The following BLVRA variants were observed in gnomAD, a reference collection of about 807,000 sequenced individuals.
BLVRA encodes biliverdin reductase A.
In BLVRA, 22 loss-of-function variants were observed where a neutral mutation model predicts 32.8. The ratio of observed to expected loss-of-function variants is 0.67; its 90% CI spans 0.48 to 0.96. The LOEUF (loss-of-function observed/expected upper bound fraction) is 0.96. Ranked by LOEUF, BLVRA falls within the 40% of genes least tolerant of loss-of-function variation. BLVRA has a pLI of 0.00. For missense variants in BLVRA, 323 were observed against 358.1 expected (o/e 0.90, Z 0.79); for synonymous variants, 119 against 141.3 (o/e 0.84, Z 1.12).
intron 2 of BLVRA, among the ~76,000 whole-genome samples, chr7:43,771,786 G>A (rs2132552025): frequency 6.6e-6 from 1 of 152,322 alleles, no homozygotes; most frequent in African/African-American, 2.4e-5. Context: ...GCTGGCAGAT[G>A]TCTCAACACC....
At chr7:43,773,350 C>T (rs949128632) in intron 2 of BLVRA, among the ~76,000 whole-genome samples, 6 of 151,576 alleles carry the variant, frequency 4.0e-5, no homozygotes, top group African/African-American at 1.5e-4. Context: ...CATGTGTTCT[C>T]ATTGTTCAAT....
intron 2 of BLVRA, among the ~76,000 whole-genome samples, chr7:43,783,048 G>T (rs545408031): frequency 6.6e-6 from 1 of 152,194 alleles, no homozygotes; most frequent in South Asian, 2.1e-4. Flanking sequence ...GAAGGGAAGC[G>T]GGAGTGAGCC....
chr7:43,766,349 A>G (rs191990603), intron 1 of BLVRA, among the ~76,000 whole-genome samples: 7 of 152,142 alleles, frequency 4.6e-5, no homozygotes, highest in Admixed American at 1.3e-4. Flanking sequence ...TCTATTTAAT[A>G]TAAGTCTTTT....
chr7:43,775,475 T>C (rs2095759647), intron 2 of BLVRA, among the ~76,000 whole-genome samples: 1 of 152,242 alleles, frequency 6.6e-6, no homozygotes, highest in Admixed American at 6.5e-5. Context: ...CAGCCTTGCA[T>C]TCCAGGGATG....
chr7:43,767,729 T>G (rs1441495633), intron 1 of BLVRA: 1 of 366,002 alleles, frequency 2.7e-6, no homozygotes, highest in Non-Finnish European at 5.2e-6. Flanking sequence ...GTTTGAGTAG[T>G]GTAAATTTTG....
intron 7 of BLVRA, among the ~76,000 whole-genome samples, chr7:43,805,560 C>T (rs970091813): frequency 1.3e-5 from 2 of 151,948 alleles, no homozygotes; most frequent in Admixed American, 6.6e-5. Context: ...TGAGATTACA[C>T]GCATGAGCCA....
chr7:43,788,093 A>T (rs1194254523), intron 3 of BLVRA, 68 bp downstream of exon 3: 5 of 1,612,642 alleles, frequency 3.1e-6, no homozygotes, highest in Non-Finnish European at 4.2e-6. Flanking sequence ...GCTGCAGGAC[A>T]TGGAGATTTT....
intron 2 of BLVRA, among the ~76,000 whole-genome samples, chr7:43,772,573 T>C (rs1259965415): frequency 1.3e-5 from 2 of 152,204 alleles, no homozygotes; most frequent in Non-Finnish European, 2.9e-5. Context: ...CATGCTGCTA[T>C]AAAGAACTGC....
Position 43,769,944 on chromosome 7 carries a change from G to A in BLVRA, c.-21-1194G>A, listed in dbSNP as rs375244801. On this transcript the variant is annotated intron_variant, in intron 1 of 7. Coordinates refer to ENST00000265523, the MANE Select transcript of BLVRA (RefSeq NM_000712.4). Reference sequence around the variant, plus strand: ...GCTATTTTCAACACAAAGCCTACACGATCACCCATGCCCCCTTCCCCGGGT... The same window carrying A: ...GCTATTTTCAACACAAAGCCTACACAATCACCCATGCCCCCTTCCCCGGGT... 3.0e-3 allele frequency among the ~76,000 whole-genome samples: 461 copies of A among 152,318 alleles called. 3 individuals carry two copies. The highest frequency in any genetic ancestry group is 0.011 in the African/African-American group (442 of 41,562).
chr7:43,774,557 A>G (rs952369275), intron 2 of BLVRA, among the ~76,000 whole-genome samples: 10 of 152,172 alleles, frequency 6.6e-5, no homozygotes, highest in African/African-American at 2.4e-4. Flanking sequence ...TAGTATAGTT[A>G]GAAGTCAGGT....
At position 43,787,624 on chromosome 7, in the gene BLVRA, T is replaced by C. The variant is rs2095779418; in HGVS notation, c.13-280T>C. Among the ~76,000 whole-genome samples, 1 of 152,116 alleles carries C rather than the reference T, an allele frequency of 6.6e-6. No individual in the cohort carries two copies. The highest frequency in any genetic ancestry group is 2.4e-5 in the African/African-American group (1 of 41,424). Reference sequence around the variant, plus strand: ...ATTATTGGAGATGGGGCAGTAGAAGTGGAGAGCCAAATTGGGGGAACACTT... The same window carrying C: ...ATTATTGGAGATGGGGCAGTAGAAGCGGAGAGCCAAATTGGGGGAACACTT... On this transcript the variant is annotated intron_variant, in intron 2 of 7. Transcript: ENST00000265523. This position sits in a 1 kb window ranked among gnomAD's most constrained non-coding sequence, Gnocchi z 4.5.
At chr7:43,769,116 T>C (rs1183188137) in intron 1 of BLVRA, among the ~76,000 whole-genome samples, 3 of 151,588 alleles carry the variant, frequency 2.0e-5, no homozygotes, top group African/African-American at 7.3e-5. Flanking sequence ...CAGCCTCAAA[T>C]TCCTGGGCTC....
upstream of BLVRA, among the ~76,000 whole-genome samples, chr7:43,758,232 A>G (rs1213693420): frequency 1.3e-5 from 2 of 151,970 alleles, no homozygotes; most frequent in Non-Finnish European, 2.9e-5. Flanking sequence ...CCTCGGCGCC[A>G]GTTCAGTCGG....
Position 43,806,976 on chromosome 7 carries a change from G to T in BLVRA, c.633-1G>T. The T allele has an allele frequency of 6.2e-7, 1 of 1,613,806 alleles. No individual in the cohort carries two copies. Among genetic ancestry groups the T allele is most frequent in the Non-Finnish European group, 8.5e-7 (1 of 1,179,996 alleles). ...GATTCTTTTGTCTTTTGTCTTTGCAGTCCACTGTCATGGATTGAAGAAAAA... is the reference window on the plus strand; with the variant it reads ...GATTCTTTTGTCTTTTGTCTTTGCATTCCACTGTCATGGATTGAAGAAAAA... On this transcript the variant is annotated splice_acceptor_variant, in intron 7 of 7. Transcript: ENST00000265523. LOFTEE classifies it high-confidence loss of function.
intron 3 of BLVRA, 48 bp from the exon 4 acceptor site, chr7:43,791,201 T>C (rs751855662): frequency 6.2e-7 from 1 of 1,612,248 alleles, no homozygotes; most frequent in Non-Finnish European, 8.5e-7. Context: ...ATGGTGCTCC[T>C]TTCTTCTGTC....
chr7:43,762,606 CTTTT>C (rs1162480081), intron 1 of BLVRA, among the ~76,000 whole-genome samples: 4 of 100,870 alleles, frequency 4.0e-5, no homozygotes, highest in Non-Finnish European at 7.4e-5. Flanking sequence ...CCAGTAGTTC[CTTTT>C]TTTTTTTTTT....
intron 5 of BLVRA, among the ~76,000 whole-genome samples, chr7:43,798,197 CAAAAAAAAAAAA>C (rs56855757): frequency 1.2e-3 from 56 of 45,198 alleles, no homozygotes; most frequent in South Asian, 1.5e-3. Flanking sequence ...CCCCATCTCA[CAAAAAAAAAAAA>C]AAAAAAAAAA....
intron 7 of BLVRA, among the ~76,000 whole-genome samples, chr7:43,804,298 C>T (rs1433007524): frequency 1.3e-5 from 2 of 152,024 alleles, no homozygotes; most frequent in African/African-American, 2.4e-5. Flanking sequence ...AAAAATTAGC[C>T]GGTGTGGCGG....
Position 43,788,037 on chromosome 7 carries a change from T to A in BLVRA, c.134+12T>A. 1 of 1,614,224 alleles carries A rather than the reference T, an allele frequency of 6.2e-7. No homozygotes were observed. ...GGCTTCGTGTCGAGGTGGCTCACAA[T>A]GTCTTTGTGCTTCATAATTCATGGA... is the stretch of plus-strand genomic sequence containing the variant. On this transcript the variant is annotated intron_variant, in intron 3 of 7. Transcript: ENST00000265523.
Sources: gnomAD v4.1 joint callset for allele counts (sites outside exome capture counted in the v4.1 genomes callset) on GRCh38, gnomAD v4.1.1 for gene constraint, Gnocchi (gnomAD v3.1) non-coding constraint, MANE v1.5 for transcripts, NCBI Gene and HGNC (gene_info 2026-07-23, HGNC 2026-07-21) for gene names.